The following TTLL3 variants were observed in gnomAD, a reference collection of about 807,000 sequenced individuals.
The protein encoded by TTLL3 is tubulin tyrosine ligase like 3.
Under a neutral mutation model 75.2 loss-of-function variants are expected in TTLL3, and 63 were observed. The observed-to-expected ratio is 0.84, with a 90% CI of 0.68 to 1.03. TTLL3 has a LOEUF of 1.03. Ranked by LOEUF, TTLL3 falls within the 50% of genes least tolerant of loss-of-function variation. TTLL3 has a pLI of 0.00. For synonymous variants in TTLL3, 393 were observed against 418.5 expected (o/e 0.94, Z 0.74); for missense variants, 997 against 1,069.9 (o/e 0.93, Z 0.95).
chr3:9,816,459 C>T (rs969584649), intron 5 of TTLL3, among the ~76,000 whole-genome samples: 5 of 151,748 alleles, frequency 3.3e-5, no homozygotes, highest in Admixed American at 1.3e-4. Flanking sequence ...AGTGAGCAAA[C>T]GGACTCTTAC....
At position 9,835,100 on chromosome 3, in the gene TTLL3, G is replaced by GCT; in HGVS notation, c.2063_2064dup (p.Leu689SerfsTer18). ...CCCCTCCTTTCACACCGAGGCTCCT[G>GCT]CTCTCCTGTGCCTCCGAGGCCCCCA... is the stretch of plus-strand genomic sequence containing the variant. On this transcript the variant is annotated frameshift_variant, in exon 14 of 14. Transcript: ENST00000685419. LOFTEE classifies it low-confidence loss of function (END_TRUNC). 2 of 1,608,114 alleles carry GCT rather than the reference G, an allele frequency of 1.2e-6. No homozygotes were observed. Among genetic ancestry groups the GCT allele is most frequent in the Non-Finnish European group, 1.7e-6 (2 of 1,176,378 alleles).
intron 11 of TTLL3, 52 bp from the exon 12 acceptor site, chr3:9,833,052 G>A: frequency 6.2e-7 from 1 of 1,601,144 alleles, no homozygotes; most frequent in Non-Finnish European, 8.5e-7. Flanking sequence ...GCTGGGCCAA[G>A]GATTCCAGTA....
At chr3:9,811,879 T>C (rs901332766) in intron 2 of TTLL3, among the ~76,000 whole-genome samples, 1 of 152,232 alleles carries the variant, frequency 6.6e-6, no homozygotes, top group Admixed American at 6.5e-5. Flanking sequence ...CATTCATGGC[T>C]TCCTTTCAAC....
chr3:9,826,941 C>T, intron 9 of TTLL3, 56 bp from the exon 10 acceptor site: 2 of 1,608,116 alleles, frequency 1.2e-6, no homozygotes, highest in Non-Finnish European at 1.7e-6. Context: ...ACAAGCTGGC[C>T]CTTCTCCTGG....
At chr3:9,811,413 C>A (rs887301274) in intron 2 of TTLL3, among the ~76,000 whole-genome samples, 1 of 152,236 alleles carries the variant, frequency 6.6e-6, no homozygotes, top group East Asian at 1.9e-4. Context: ...CTTTCTGTTT[C>A]TTCACCCACA....
At position 9,834,694 on chromosome 3, in the gene TTLL3, C is replaced by T. The variant is rs772904208; in HGVS notation, c.1839C>T (p.Phe613=). 1.2e-6 allele frequency: 2 copies of T among 1,614,166 alleles called. No homozygotes were observed. The highest frequency in any genetic ancestry group is 1.1e-5 in the South Asian group (1 of 91,080). Residue 613 remains phenylalanine, a synonymous_variant, in exon 13 of 14, where the codon TTC becomes TTT. Transcript: ENST00000685419. ...QRGSGEARHH[F]PSLHTKAQLP... ...TTGCTCCCACAGCCCGTCACCACTT[C>T]CCCAGCCTCCACACCAAGGCCCAGC... is the stretch of plus-strand genomic sequence containing the variant.
intron 11 of TTLL3, among the ~76,000 whole-genome samples, chr3:9,831,876 G>A (rs952938172): frequency 3.4e-5 from 5 of 146,608 alleles, no homozygotes. Context: ...TCGGCTCACT[G>A]CAACCTCCGC....
chr3:9,825,136 A>G (rs1005643658), intron 8 of TTLL3, among the ~76,000 whole-genome samples: 2 of 152,154 alleles, frequency 1.3e-5, no homozygotes, highest in African/African-American at 4.8e-5. Context: ...GGATGGCCTG[A>G]GGCCAGGAGT....
At chr3:9,815,997 G>T in intron 4 of TTLL3, 77 bp from the exon 5 acceptor site, 1 of 1,261,674 alleles carries the variant, frequency 7.9e-7, no homozygotes, top group Admixed American at 2.4e-5. Context: ...ACCCTGCTCA[G>T]CAGGGCAGGG....
chr3:9,826,708 A>G (rs1167640177), intron 9 of TTLL3, among the ~76,000 whole-genome samples: 5 of 132,574 alleles, frequency 3.8e-5, no homozygotes, highest in African/African-American at 1.4e-4. Context: ...ACTCCAGCCT[A>G]GGTGACAGGG....
chr3:9,820,397 T>C, intron 7 of TTLL3, 149 bp from the exon 8 acceptor site: 1 of 1,511,468 alleles, frequency 6.6e-7, no homozygotes, highest in South Asian at 1.4e-5. Context: ...AAGCCTCAGC[T>C]AAGTGACACA....
Position 9,835,591 on chromosome 3 carries a change from G to C in TTLL3, c.*102G>C. 8.3e-7 allele frequency: 1 copy of C among 1,198,202 alleles called. No homozygotes were observed. The highest frequency in any genetic ancestry group is 1.2e-6 in the Non-Finnish European group (1 of 864,448). The allele number at this position is 1,198,202 out of a possible 1,614,324, so 74.2% of individuals were successfully genotyped here. A position where few individuals can be genotyped will look rare whatever the true frequency, so the allele number is the denominator to read the frequency against. On this transcript the variant is annotated 3_prime_UTR_variant, in exon 14 of 14. Transcript: ENST00000685419. ...ACTCCCCCAGCATCTCCGATCCAGG[G>C]GTGGGGAGCGTGAGCCTTCACTTTA...
chr3:9,813,441 C>G (rs752855255), intron 4 of TTLL3, 96 bp downstream of exon 4: 62 of 1,365,440 alleles, frequency 4.5e-5, no homozygotes, highest in Non-Finnish European at 5.2e-5. Context: ...TCCTTTCTTT[C>G]TCTGGGCCAC....
chr3:9,817,882 C>T (rs763390105), intron 6 of TTLL3, 123 bp downstream of exon 6: 46 of 1,246,458 alleles, frequency 3.7e-5, no homozygotes, highest in Non-Finnish European at 4.4e-5. Context: ...CAGCAGATTT[C>T]CCTTTCCACC....
At chr3:9,832,317 A>T (rs180841540) in intron 11 of TTLL3, among the ~76,000 whole-genome samples, 1 of 151,928 alleles carries the variant, frequency 6.6e-6, no homozygotes, top group Admixed American at 6.5e-5. Context: ...CGAACTCTTG[A>T]CCTCAAGTGA....
rs1186227703 is a variant in TTLL3, at chr3:9,810,803, C to T, written c.48+94C>T. The stretch of plus-strand genomic sequence containing the variant: ...TTCTTATATCCTTAAAAAACAAAAG[C>T]AAAAGAAAAAACAATAGCAAAAATC... On this transcript the variant is annotated intron_variant, in intron 2 of 13. Transcript: ENST00000685419. The surrounding 1 kb of genome is among the most constrained non-coding windows in gnomAD (Gnocchi z 4.4). 8.2e-7 allele frequency: 1 copy of T among 1,216,946 alleles called. No individual in the cohort carries two copies. Among genetic ancestry groups the T allele is most frequent in the African/African-American group, 1.6e-5 (1 of 63,788 alleles). The allele number at this position is 1,216,946 out of a possible 1,614,324, so 75.4% of individuals were successfully genotyped here.
In TTLL3 at chr3:9,829,093, A is replaced by G. The variant is rs2290302; in HGVS notation, c.1381A>G (p.Asn461Asp). 1 of 1,614,100 alleles carries G rather than the reference A, an allele frequency of 6.2e-7. No homozygotes were observed. The highest frequency in any genetic ancestry group is 1.3e-5 in the African/African-American group (1 of 74,924). The change falls in exon 11 of 14, where the codon AAT becomes GAT. Residue 461 changes from asparagine (N) to aspartate (D), a missense_variant. By Grantham distance (23) the Asn-to-Asp change is conservative (BLOSUM62 1). Transcript: ENST00000685419. Reference protein sequence around the residue: ...QAHLQEMGAPNAWSTIIVPGM... With the variant: ...QAHLQEMGAPDAWSTIIVPGM... ...CCACCTGCAGGAGATGGGTGCCCCA[A>G]ATGCTTGGTCCACCATCATCGTGCC...
At chr3:9,817,061 C>G (rs2079940636) in intron 5 of TTLL3, among the ~76,000 whole-genome samples, 1 of 152,196 alleles carries the variant, frequency 6.6e-6, no homozygotes, top group Non-Finnish European at 1.5e-5. Flanking sequence ...AGTCCTCCCA[C>G]TTCAGCCTCC....
chr3:9,833,217 T>G lies in TTLL3; in HGVS notation c.1797T>G (p.Pro599=). The G allele has an allele frequency of 1.9e-6, 3 of 1,613,966 alleles. No homozygotes were observed. The highest frequency in any genetic ancestry group is 2.5e-6 in the Non-Finnish European group (3 of 1,179,924). Residue 599 remains proline, a synonymous_variant, in exon 12 of 14, where the codon CCT becomes CCG. Transcript: ENST00000685419. ...HRRMGVRPAV[P]LLTQRGSGEA... ...GGATGGGGGTCCGCCCAGCAGTCCC[T>G]CTGCTGACCCAGCGAGGCTCTGGGG... is the stretch of plus-strand genomic sequence containing the variant.
Sources: allele counts gnomAD v4.1 joint callset (sites outside exome capture counted in the v4.1 genomes callset), GRCh38; gene constraint gnomAD v4.1.1; non-coding constraint Gnocchi (gnomAD v3.1); transcripts MANE v1.5; gene names NCBI Gene and HGNC (gene_info 2026-07-23, HGNC 2026-07-21).